The following FAM114A1 variants were observed in gnomAD, a reference collection of about 807,000 sequenced individuals.
The protein encoded by FAM114A1 is protein NOXP20.
In FAM114A1, 62 loss-of-function variants were observed where a neutral mutation model predicts 64.3. The ratio of observed to expected loss-of-function variants is 0.96; its 90% CI spans 0.79 to 1.19. FAM114A1 has a LOEUF of 1.19. Among genes scored for constraint, FAM114A1 ranks in the 50% most tolerant of loss-of-function variants. The pLI is 0.00. For missense variants in FAM114A1, 645 were observed against 676.3 expected (o/e 0.95, Z 0.51); for synonymous variants, 254 against 251.1 (o/e 1.01, Z -0.11).
At chr4:38,886,733 G>A (rs1715849647) in intron 3 of FAM114A1, among the ~76,000 whole-genome samples, 1 of 151,450 alleles carries the variant, frequency 6.6e-6, no homozygotes, top group African/African-American at 2.4e-5. Flanking sequence ...TTCAAGACCA[G>A]CCTGGCCAAC....
At chr4:38,911,838 TTTTTTCTTTTTTTTTC>T (rs1718562686) in intron 7 of FAM114A1, among the ~76,000 whole-genome samples, 1 of 125,432 alleles carries the variant, frequency 8.0e-6, no homozygotes, top group African/African-American at 2.9e-5. Context: ...TCTTCTTTTT[TTTTTTCTTTTTTTTTC>T]TTTTTTCTTT....
At chr4:38,891,919 T>A (rs1280554613) in intron 4 of FAM114A1, 89 bp downstream of exon 4, 2 of 1,188,258 alleles carry the variant, frequency 1.7e-6, no homozygotes, top group Non-Finnish European at 2.3e-6. Context: ...TAATAGAGTT[T>A]AACATTAGCC....
chr4:38,914,988 C>T lies in FAM114A1; in HGVS notation c.860C>T (p.Ala287Val), dbSNP rs761445177. 11 of 1,614,018 alleles carry T rather than the reference C, an allele frequency of 6.8e-6. No individual in the cohort carries two copies. Among genetic ancestry groups the T allele is most frequent in the South Asian group, 4.4e-5 (4 of 91,086 alleles). Reference protein sequence around the residue: ...LAQQLTMERTAHYGMLFDEYQ... With the variant: ...LAQQLTMERTVHYGMLFDEYQ... Reference sequence around the variant, plus strand: ...CAGCAGCTCACGATGGAGAGAACCGCGCACTACGGGATGCTGTTTGATGAA... The same window carrying T: ...CAGCAGCTCACGATGGAGAGAACCGTGCACTACGGGATGCTGTTTGATGAA... Residue 287 changes from alanine (A) to valine (V), a missense_variant, in exon 8 of 15, where the codon GCG becomes GTG. By Grantham distance (64) the Ala-to-Val change is moderately conservative (BLOSUM62 0). Coordinates refer to ENST00000358869, the MANE Select transcript of FAM114A1 (RefSeq NM_138389.4).
intron 2 of FAM114A1, among the ~76,000 whole-genome samples, chr4:38,876,432 A>C (rs1714643887): frequency 6.6e-6 from 1 of 152,048 alleles, no homozygotes; most frequent in Non-Finnish European, 1.5e-5. Flanking sequence ...CAGCCTACCA[A>C]AGTGCTGGGA....
intron 10 of FAM114A1, among the ~76,000 whole-genome samples, chr4:38,931,065 C>T (rs948028416): frequency 2.6e-5 from 4 of 152,092 alleles, no homozygotes; most frequent in Non-Finnish European, 5.9e-5. Flanking sequence ...GGCCCCATGG[C>T]TCAATTTCTA....
Position 38,943,717 on chromosome 4 carries a change from A to G in FAM114A1, c.*160A>G, listed in dbSNP as rs1196778698. On this transcript the variant is annotated 3_prime_UTR_variant, in exon 15 of 15. Coordinates refer to ENST00000358869, the MANE Select transcript of FAM114A1 (RefSeq NM_138389.4). ...ATATTGAGAATGCAAATTTAGAGAG[A>G]GTTATCATTTCTCTCAATGTGTATA... 1.9e-6 allele frequency: 1 copy of G among 528,780 alleles called. No individual in the cohort carries two copies. Among genetic ancestry groups the G allele is most frequent in the African/African-American group, 1.9e-5 (1 of 53,152 alleles). The allele number at this position is 528,780 out of a possible 1,614,324, so 32.8% of individuals were successfully genotyped here.
Position 38,895,912 on chromosome 4 carries a change from C to T in FAM114A1, c.436+4082C>T, listed in dbSNP as rs1579326424. ...AATACAGTATTATGATCTTATGGGA[C>T]CACTGTCATAGATGTGGCCCGTCGT... is the stretch of plus-strand genomic sequence containing the variant. On this transcript the variant is annotated intron_variant, in intron 4 of 14. Coordinates refer to ENST00000358869, the MANE Select transcript of FAM114A1 (RefSeq NM_138389.4). Among the ~76,000 whole-genome samples, 4 of 152,132 alleles carry T rather than the reference C, an allele frequency of 2.6e-5. No individual in the cohort carries two copies. In the South Asian group the frequency reaches 8.3e-4, roughly 31 times the overall value.
chr4:38,886,193 A>T (rs1490207949), intron 3 of FAM114A1, among the ~76,000 whole-genome samples: 1 of 146,694 alleles, frequency 6.8e-6, no homozygotes, highest in Non-Finnish European at 1.5e-5. Context: ...TTTTTTTGAG[A>T]CAGAGTCTCA....
intron 4 of FAM114A1, among the ~76,000 whole-genome samples, chr4:38,893,889 A>G (rs1412386104): frequency 6.6e-6 from 1 of 152,114 alleles, no homozygotes; most frequent in African/African-American, 2.4e-5. Context: ...GTGGCCAGGC[A>G]TGGTGGCTCA....
chr4:38,944,383 T>C lies in FAM114A1; in HGVS notation c.*826T>C, dbSNP rs529963575. 5 of 152,400 alleles carry C rather than the reference T, an allele frequency of 3.3e-5. No individual in the cohort carries two copies. Among genetic ancestry groups the C allele is most frequent in the African/African-American group, 1.2e-4 (5 of 41,576 alleles). 9.4% of individuals were successfully genotyped at this position (152,400 alleles called of 1,614,324 possible). A position where few individuals can be genotyped will look rare whatever the true frequency, so the allele number is the denominator to read the frequency against. ...CCGCGCCCGGCCGGTCATTCATTCT[T>C]GCAACAAGCATTTATTGAGCACCTA... On this transcript the variant is annotated 3_prime_UTR_variant, in exon 15 of 15. Transcript: ENST00000358869.
chr4:38,926,650 T>C (rs1326217174), intron 9 of FAM114A1, among the ~76,000 whole-genome samples: 1 of 151,958 alleles, frequency 6.6e-6, no homozygotes, highest in Non-Finnish European at 1.5e-5. Context: ...GAGATGGGGT[T>C]TCACCACGTT....
intron 7 of FAM114A1, among the ~76,000 whole-genome samples, chr4:38,912,017 C>T (rs577194784): frequency 4.0e-5 from 6 of 151,698 alleles, no homozygotes; most frequent in South Asian, 4.2e-4. Flanking sequence ...TGCACCACCA[C>T]GCCCGGCTAA....
intron 2 of FAM114A1, among the ~76,000 whole-genome samples, chr4:38,871,355 G>A (rs1352250671): frequency 6.6e-6 from 1 of 151,894 alleles, no homozygotes; most frequent in Non-Finnish European, 1.5e-5. Context: ...GCCTCCCAAA[G>A]TGCTGGGATG....
chr4:38,889,973 C>T (rs1716166777), intron 3 of FAM114A1, among the ~76,000 whole-genome samples: 1 of 152,128 alleles, frequency 6.6e-6, no homozygotes, highest in South Asian at 2.1e-4. Flanking sequence ...GGTCCACATT[C>T]AGGGCAGAAA....
intron 7 of FAM114A1, among the ~76,000 whole-genome samples, chr4:38,911,082 A>G (rs1416129318): frequency 1.3e-5 from 2 of 152,236 alleles, no homozygotes; most frequent in African/African-American, 4.8e-5. Context: ...CCTCCCAGAA[A>G]CAGACACCAA....
chr4:38,930,904 G>A lies in FAM114A1; in HGVS notation c.1162-547G>A, dbSNP rs190473641. On this transcript the variant is annotated intron_variant, in intron 10 of 14. Coordinates refer to ENST00000358869, the MANE Select transcript of FAM114A1 (RefSeq NM_138389.4). ...AGCAGCACCAGACCTTTCCAGCAGC[G>A]CTTCTCTTCTCCCCCTTGAGGGTGG... Among the ~76,000 whole-genome samples the A allele has an allele frequency of 1.7e-3, 255 of 152,168 alleles. 1 individual carries two copies. The highest frequency in any genetic ancestry group is 5.9e-3 in the African/African-American group (243 of 41,508).
chr4:38,887,429 G>C (rs1288224107), intron 3 of FAM114A1, among the ~76,000 whole-genome samples: 2 of 152,182 alleles, frequency 1.3e-5, no homozygotes, highest in East Asian at 3.9e-4. Context: ...TCCTTTTAAA[G>C]TACCTGAATT....
At chr4:38,899,412 T>G (rs1208169085) in intron 4 of FAM114A1, among the ~76,000 whole-genome samples, 1 of 152,126 alleles carries the variant, frequency 6.6e-6, no homozygotes, top group African/African-American at 2.4e-5. Context: ...CAACTCCCTT[T>G]GGTCAAGGGC....
chr4:38,943,191 C>CAAAAAAA (rs1255932256), intron 14 of FAM114A1, among the ~76,000 whole-genome samples: 28 of 88,858 alleles, frequency 3.2e-4, no homozygotes, highest in African/African-American at 1.1e-3. Context: ...GACTCTGTCT[C>CAAAAAAA]AAAAAAAAAA....
Sources: gnomAD v4.1 joint callset for allele counts (sites outside exome capture counted in the v4.1 genomes callset) on GRCh38, gnomAD v4.1.1 for gene constraint, MANE v1.5 for transcripts, NCBI Gene and HGNC (gene_info 2026-07-23, HGNC 2026-07-21) for gene names.